C1QTNF3: variants seen among roughly 807,000 people sequenced by gnomAD.
C1QTNF3 encodes the protein complement C1q tumor necrosis factor-related protein 3.
A neutral mutation model predicts 32.6 loss-of-function variants in C1QTNF3; 26 were observed. The ratio of observed to expected loss-of-function variants is 0.80; its 90% CI spans 0.58 to 1.11. C1QTNF3 has a LOEUF of 1.11. C1QTNF3 is among the 50% of genes least tolerant of loss of function. The pLI is 0.00. For missense variants in C1QTNF3, 362 were observed against 398.2 expected, an observed-to-expected ratio of 0.91 and a Z score of 0.77; for synonymous variants, 155 against 146.0, an observed-to-expected ratio of 1.06 and a Z score of -0.44.
the C1QTNF3 span, among the ~76,000 whole-genome samples, chr5:34,178,362 G>A: frequency 6.6e-6 from 1 of 152,020 alleles, no homozygotes; most frequent in Non-Finnish European, 1.5e-5. Context: ...CCCCTTACTT[G>A]ACTAGTTTGC....
the C1QTNF3 span, among the ~76,000 whole-genome samples, chr5:34,084,362 T>C: frequency 2.6e-5 from 4 of 151,654 alleles, no homozygotes; most frequent in Non-Finnish European, 5.9e-5. Flanking sequence ...TCGCTGAGAG[T>C]AAAGTTTAGA....
the C1QTNF3 span, among the ~76,000 whole-genome samples, chr5:34,130,313 T>C: frequency 1.3e-5 from 2 of 152,134 alleles, no homozygotes; most frequent in East Asian, 1.9e-4. Context: ...GATCCCTCAG[T>C]TCTGTAGGCC....
At chr5:34,145,053 C>T in the C1QTNF3 span, among the ~76,000 whole-genome samples, 31 of 152,134 alleles carry the variant, frequency 2.0e-4, no homozygotes, top group Middle Eastern at 3.4e-3. Context: ...TGCTTGAACC[C>T]GGGAGGCAGA....
chr5:34,207,422 T>C, the C1QTNF3 span, among the ~76,000 whole-genome samples: 2 of 152,166 alleles, frequency 1.3e-5, no homozygotes, highest in East Asian at 1.9e-4. Context: ...TCAGGTAACA[T>C]GAGTGAGAAG....
chr5:34,211,405 T>A, the C1QTNF3 span, among the ~76,000 whole-genome samples: 1 of 152,082 alleles, frequency 6.6e-6, no homozygotes, highest in Non-Finnish European at 1.5e-5. Flanking sequence ...CCCTTTTTTT[T>A]TATACTTTAA....
At chr5:34,093,186 T>C in the C1QTNF3 span, among the ~76,000 whole-genome samples, 52 of 151,884 alleles carry the variant, frequency 3.4e-4, no homozygotes, top group Admixed American at 5.3e-4. Context: ...TTTGAAATAA[T>C]ATTTTTACTA....
the C1QTNF3 span, among the ~76,000 whole-genome samples, chr5:34,223,011 A>C: frequency 1.3e-5 from 2 of 151,824 alleles, no homozygotes; most frequent in Non-Finnish European, 2.9e-5. Flanking sequence ...ACATTTTTTT[A>C]AAAAATGTTA....
At chr5:34,147,329 A>C in the C1QTNF3 span, among the ~76,000 whole-genome samples, 1 of 152,222 alleles carries the variant, frequency 6.6e-6, no homozygotes, top group Non-Finnish European at 1.5e-5. Context: ...AAGGAAACAC[A>C]GATCATTCTA....
intron 2 of C1QTNF3, 143 bp downstream of exon 2, chr5:34,035,504 T>TG (rs1166855009): frequency 2.9e-6 from 2 of 688,464 alleles, no homozygotes; most frequent in Non-Finnish European, 5.1e-6. Context: ...TCCCAGCCTA[T>TG]GAACCTGGTA....
chr5:34,237,425 T>A, the C1QTNF3 span, among the ~76,000 whole-genome samples: 1 of 152,226 alleles, frequency 6.6e-6, no homozygotes, highest in Non-Finnish European at 1.5e-5. Context: ...TTTAATTACA[T>A]ATTTAATTAT....
At chr5:34,161,567 A>G in the C1QTNF3 span, among the ~76,000 whole-genome samples, 1 of 152,204 alleles carries the variant, frequency 6.6e-6, no homozygotes, top group South Asian at 2.1e-4. Flanking sequence ...GATTAAACAT[A>G]GTCTATTTAT....
At chr5:34,210,595 CA>C in the C1QTNF3 span, among the ~76,000 whole-genome samples, 10 of 149,824 alleles carry the variant, frequency 6.7e-5, no homozygotes, top group Non-Finnish European at 1.5e-4. Flanking sequence ...AAATCAATGC[CA>C]AAAAAAAGGA....
At chr5:34,126,462 T>C in the C1QTNF3 span, among the ~76,000 whole-genome samples, 1 of 149,536 alleles carries the variant, frequency 6.7e-6, no homozygotes, top group Non-Finnish European at 1.5e-5. Flanking sequence ...TTAGGGAGGA[T>C]GTGGAGAAAA....
At chr5:34,218,488 A>T in the C1QTNF3 span, 2 of 151,896 alleles carry the variant, frequency 1.3e-5, no homozygotes, top group Admixed American at 6.6e-5. Context: ...AGAAACGCAC[A>T]AAAGTTTGTG....
chr5:34,108,577 C>T, the C1QTNF3 span, among the ~76,000 whole-genome samples: 1 of 151,928 alleles, frequency 6.6e-6, no homozygotes, highest in Non-Finnish European at 1.5e-5. Context: ...AGTATTTTCT[C>T]GTCATAAAGT....
chr5:34,115,591 C>T, the C1QTNF3 span, among the ~76,000 whole-genome samples: 1 of 152,026 alleles, frequency 6.6e-6, no homozygotes, highest in Non-Finnish European at 1.5e-5. Context: ...ATTAGCTGGG[C>T]GTGGTGGCGA....
chr5:34,169,429 T>C, the C1QTNF3 span, among the ~76,000 whole-genome samples: 1 of 152,128 alleles, frequency 6.6e-6, no homozygotes, highest in African/African-American at 2.4e-5. Context: ...GAAATGTCTG[T>C]TCAAATCCTT....
the C1QTNF3 span, among the ~76,000 whole-genome samples, chr5:34,061,715 T>C: frequency 6.6e-6 from 1 of 152,178 alleles, no homozygotes; most frequent in Non-Finnish European, 1.5e-5. Context: ...CACAGAGCAC[T>C]AAGTCCCTAG....
chr5:34,066,654 T>G, the C1QTNF3 span, among the ~76,000 whole-genome samples: 1 of 152,258 alleles, frequency 6.6e-6, no homozygotes, highest in African/African-American at 2.4e-5. Flanking sequence ...TTTGAAAATG[T>G]AAAATATAAA....
Sources: gnomAD v4.1 joint callset for allele counts (sites outside exome capture counted in the v4.1 genomes callset) on GRCh38, gnomAD v4.1.1 for gene constraint, MANE v1.5 for transcripts, NCBI Gene and HGNC (gene_info 2026-07-23, HGNC 2026-07-21) for gene names.